TCF20: variants seen among roughly 807,000 people sequenced by gnomAD.
The protein encoded by TCF20 is transcription factor 20.
In TCF20, 3 loss-of-function variants were observed where a neutral mutation model predicts 148.6. That is an observed-to-expected ratio of 0.02 (90% CI 0.01 to 0.05). The LOEUF is 0.05. Ranked by LOEUF, TCF20 falls within the 10% of genes least tolerant of loss-of-function variation. The pLI is 1.00. For synonymous variants in TCF20, 1,049 were observed against 909.5 expected (o/e 1.15, Z -2.76); for missense variants, 2,350 against 2,429.3 (o/e 0.97, Z 0.69).
chr22:42,171,429 T>C (rs1936125216), intron 3 of TCF20, among the ~76,000 whole-genome samples: 1 of 152,104 alleles, frequency 6.6e-6, no homozygotes, highest in African/African-American at 2.4e-5. Flanking sequence ...GGTCCCGGTA[T>C]CCTAAAACAA....
chr22:42,305,305 C>T (rs1157555394), intron 1 of TCF20, among the ~76,000 whole-genome samples: 5 of 152,170 alleles, frequency 3.3e-5, no homozygotes, highest in Non-Finnish European at 1.5e-5. Context: ...AGCTCCCTGC[C>T]CCCCTCAGGG....
intron 1 of TCF20, among the ~76,000 whole-genome samples, chr22:42,309,880 C>T (rs923400696): frequency 6.6e-6 from 1 of 152,214 alleles, no homozygotes; most frequent in African/African-American, 2.4e-5. Flanking sequence ...GCCTGGGAAG[C>T]TGCTTCTGTC....
At chr22:42,206,839 G>T (rs6002654) in intron 2 of TCF20, among the ~76,000 whole-genome samples, 93 of 152,230 alleles carry the variant, frequency 6.1e-4, no homozygotes, top group African/African-American at 2.2e-3. Context: ...TTGCCAGAAG[G>T]TTATAAATAA....
chr22:42,324,419 C>G (rs912349529), intron 1 of TCF20, among the ~76,000 whole-genome samples: 2 of 151,992 alleles, frequency 1.3e-5, no homozygotes, highest in Non-Finnish European at 2.9e-5. Flanking sequence ...ATAACCTCCA[C>G]CATTCCAGAA....
At chr22:42,340,243 G>A (rs1928140819) in intron 1 of TCF20, among the ~76,000 whole-genome samples, 1 of 152,182 alleles carries the variant, frequency 6.6e-6, no homozygotes, top group South Asian at 2.1e-4. Flanking sequence ...TTCCCCAGGG[G>A]GACTGTCAGA....
At chr22:42,253,665 CT>C (rs1925555054) in intron 1 of TCF20, among the ~76,000 whole-genome samples, 1 of 152,048 alleles carries the variant, frequency 6.6e-6, no homozygotes, top group Non-Finnish European at 1.5e-5. Context: ...TTTAAAAACC[CT>C]GAAAACAGTA....
At chr22:42,306,436 C>G (rs1927435497) in intron 1 of TCF20, among the ~76,000 whole-genome samples, 1 of 152,212 alleles carries the variant, frequency 6.6e-6, no homozygotes, top group South Asian at 2.1e-4. Context: ...TCAGGCAGCC[C>G]TGCCCAGGGA....
At position 42,176,376 on chromosome 22, in the gene TCF20, G is replaced by C. The variant is rs987648305; in HGVS notation, c.5749+3233C>G. On this transcript the variant is annotated intron_variant, in intron 3 of 5. Coordinates refer to ENST00000677622, the MANE Select transcript of TCF20 (RefSeq NM_001378418.1). ...CTGCAAGCAACTGCTGCGCTGGAAG[G>C]AAGGGGGGGGCAGGATGAATTCTGA... Among the ~76,000 whole-genome samples, 14 of 80,528 alleles carry C rather than the reference G, an allele frequency of 1.7e-4. No individual in the cohort carries two copies. In the East Asian group the frequency reaches 4.8e-3, roughly 27 times the overall value. The allele number at this position is 80,528 out of a possible 152,430, so 52.8% of individuals were successfully genotyped here. A position where few individuals can be genotyped will look rare whatever the true frequency, so the allele number is the denominator to read the frequency against.
At chr22:42,187,368 G>C (rs180987445) in intron 2 of TCF20, among the ~76,000 whole-genome samples, 7 of 152,188 alleles carry the variant, frequency 4.6e-5, no homozygotes, top group Non-Finnish European at 7.4e-5. Flanking sequence ...TCCCATAAAA[G>C]CCCCAATCAA....
chr22:42,241,124 C>A (rs1031896104), intron 1 of TCF20, among the ~76,000 whole-genome samples: 18 of 152,178 alleles, frequency 1.2e-4, no homozygotes, highest in African/African-American at 4.3e-4. Context: ...CCAAAGTGCT[C>A]TGGGATTACA....
chr22:42,210,645 T>A lies in TCF20; in HGVS notation c.4661A>T (p.Gln1554Leu), dbSNP rs1389760181. ...IGSVNKQKKQ[Q>L]QPPPPPPQPP... The stretch of plus-strand genomic sequence containing the variant: ...CTGAGGGGGTGGAGGCGGTGGCTGC[T>A]GCTGTTTCTTTTGCTTATTCACACT... Residue 1554 changes from glutamine (Q) to leucine (L), a missense_variant, in exon 2 of 6, where the codon CAG becomes CTG. Physicochemically the swap from Gln to Leu is moderately radical, Grantham distance 113. Around this residue, in one of 7 missense-constraint regions of TCF20, gnomAD observed 374 missense variants for 398.3 expected, o/e 0.94. Transcript: ENST00000677622. This position sits in a 1 kb window ranked among gnomAD's most constrained non-coding sequence, Gnocchi z 4.7. The A allele has an allele frequency of 1.2e-6, 2 of 1,613,982 alleles. No individual in the cohort carries two copies. The highest frequency in any genetic ancestry group is 3.3e-5 in the Admixed American group (2 of 60,018).
rs761028044 is a variant in TCF20, at chr22:42,211,583, G to T, written c.3723C>A (p.Gly1241=). ...GGTTTTGAGAAGAATGATCCTCCTGGCCTGGAAGTCTCAGCATAACACTAC... is the reference window on the plus strand; with the variant it reads ...GGTTTTGAGAAGAATGATCCTCCTGTCCTGGAAGTCTCAGCATAACACTAC... ...KPGSVMLRLP[G]QEDHSSQNPL... is the part of the protein sequence containing the mutation. The change falls in exon 2 of 6, where the codon GGC becomes GGA. Residue 1241 remains glycine (G), a synonymous_variant. Coordinates refer to ENST00000677622, the MANE Select transcript of TCF20 (RefSeq NM_001378418.1). The T allele has an allele frequency of 6.2e-7, 1 of 1,614,164 alleles. No individual in the cohort carries two copies. Among genetic ancestry groups the T allele is most frequent in the Middle Eastern group, 1.6e-4 (1 of 6,062 alleles).
intron 3 of TCF20, among the ~76,000 whole-genome samples, chr22:42,171,702 A>T (rs1432847488): frequency 2.0e-5 from 3 of 152,262 alleles, no homozygotes; most frequent in Non-Finnish European, 4.4e-5. Flanking sequence ...GTTTATAAAC[A>T]GCAGGAGCCA....
intron 1 of TCF20, among the ~76,000 whole-genome samples, chr22:42,249,957 T>C (rs555626349): frequency 2.0e-4 from 31 of 152,156 alleles, no homozygotes; most frequent in Non-Finnish European, 3.8e-4. Context: ...GCTCTGGCTG[T>C]GTTCATCAAA....
At chr22:42,223,377 A>G (rs1922560310) in intron 1 of TCF20, among the ~76,000 whole-genome samples, 1 of 152,186 alleles carries the variant, frequency 6.6e-6, no homozygotes, top group Non-Finnish European at 1.5e-5. Context: ...CTGTACCACA[A>G]AATTAGGCAA....
chr22:42,241,862 G>C (rs1924434279), intron 1 of TCF20, among the ~76,000 whole-genome samples: 1 of 151,620 alleles, frequency 6.6e-6, no homozygotes, highest in Non-Finnish European at 1.5e-5. Flanking sequence ...TCAAAGAGAA[G>C]ACTGATTAAC....
At chr22:42,342,588 C>T (rs2147065533) in intron 1 of TCF20, among the ~76,000 whole-genome samples, 1 of 152,292 alleles carries the variant, frequency 6.6e-6, no homozygotes, top group South Asian at 2.1e-4. Context: ...GGAGAGGAGG[C>T]AGGGGCCTGC....
intron 2 of TCF20, among the ~76,000 whole-genome samples, chr22:42,191,771 G>A (rs1937346931): frequency 6.6e-6 from 1 of 152,210 alleles, no homozygotes; most frequent in Admixed American, 6.5e-5. Context: ...GAAGGGCACA[G>A]AGTGCTAGAG....
chr22:42,182,205 G>A (rs1261206975), intron 2 of TCF20, among the ~76,000 whole-genome samples: 1 of 152,230 alleles, frequency 6.6e-6, no homozygotes. Flanking sequence ...TAACTGCCTG[G>A]TAAGTGGCTC....
Sources: allele counts gnomAD v4.1 joint callset (sites outside exome capture counted in the v4.1 genomes callset), GRCh38; gene constraint gnomAD v4.1.1; regional missense constraint gnomAD v4.1.1; non-coding constraint Gnocchi (gnomAD v3.1); transcripts MANE v1.5; gene names NCBI Gene and HGNC (gene_info 2026-07-23, HGNC 2026-07-21).